ANXA11: variants seen among roughly 807,000 people sequenced by gnomAD.
ANXA11 encodes the protein annexin A11.
Under a neutral mutation model 64.7 loss-of-function variants are expected in ANXA11, and 57 were observed. That is an observed-to-expected ratio of 0.88 (90% CI 0.71 to 1.10). The LOEUF is 1.10. ANXA11 is among the 50% of genes least tolerant of loss of function. ANXA11 has a pLI of 0.00. For synonymous variants in ANXA11, 260 were observed against 265.2 expected, an observed-to-expected ratio of 0.98 and a Z score of 0.19; for missense variants, 675 against 670.7, an observed-to-expected ratio of 1.01 and a Z score of -0.07.
Position 80,163,522 on chromosome 10 carries a change from T to A in ANXA11, c.1029+12A>T. The A allele has an allele frequency of 6.3e-7, 1 of 1,589,370 alleles. No homozygotes were observed. The highest frequency in any genetic ancestry group is 8.6e-7 in the Non-Finnish European group (1 of 1,167,082). ...GGCTTGGGGGCCCCGAGCCCTGTCG[T>A]GGGAAAAGTACCTGAGAGAGAGAGA... is the stretch of plus-strand genomic sequence containing the variant. On this transcript the variant is annotated intron_variant, in intron 10 of 15. Transcript: ENST00000422982.
At chr10:80,198,513 A>G (rs1840271966) in intron 1 of ANXA11, among the ~76,000 whole-genome samples, 3 of 152,244 alleles carry the variant, frequency 2.0e-5, no homozygotes, top group Non-Finnish European at 4.4e-5. Flanking sequence ...CCTGTAAGCA[A>G]TTAACGTGCT....
At chr10:80,165,484 T>A (rs1845683722) in intron 8 of ANXA11, among the ~76,000 whole-genome samples, 1 of 152,182 alleles carries the variant, frequency 6.6e-6, no homozygotes, top group Non-Finnish European at 1.5e-5. Context: ...GAGACCCTGC[T>A]GGTCTCTTCT....
At chr10:80,174,224 T>G (rs1846084795) in intron 2 of ANXA11, among the ~76,000 whole-genome samples, 1 of 151,814 alleles carries the variant, frequency 6.6e-6, no homozygotes, top group African/African-American at 2.4e-5. Flanking sequence ...TTTTTGAGAG[T>G]CTTACTATGT....
chr10:80,194,876 A>ACCCTAGG (rs1410438800), intron 1 of ANXA11, among the ~76,000 whole-genome samples: 17 of 152,340 alleles, frequency 1.1e-4, no homozygotes, highest in African/African-American at 4.1e-4. Flanking sequence ...GGCTGGCAAC[A>ACCCTAGG]GCTGCGCACC....
rs548029508 is a variant in ANXA11 at position 80,172,229 on chromosome 10, C to T, written c.55+578G>A. Among the ~76,000 whole-genome samples, 27 of 152,236 alleles carry T rather than the reference C, an allele frequency of 1.8e-4. No homozygotes were observed. In the South Asian group the frequency reaches 5.6e-3, roughly 32 times the overall value. On this transcript the variant is annotated intron_variant, in intron 3 of 15. Coordinates refer to ENST00000422982, the MANE Select transcript of ANXA11 (RefSeq NM_145868.2). ...CAAAAGGGGCCAGGGCCAGAGAAGA[C>T]GACTTCTCCATGTGACTACCCACAG...
At chr10:80,166,248 TA>T (rs1412540178) in intron 7 of ANXA11, 51 bp from the exon 8 acceptor site, 2 of 1,171,160 alleles carry the variant, frequency 1.7e-6, no homozygotes, top group South Asian at 1.3e-5. Flanking sequence ...CAAGTCTATT[TA>T]AAAAATCCAC....
At position 80,151,505 on chromosome 10, in the gene ANXA11, C is replaced by T. The variant is rs116960995; in HGVS notation, c.*4348G>A. 0.012 allele frequency: 1,782 copies of T among 152,224 alleles called. 25 individuals carry two copies. Among genetic ancestry groups the T allele is most frequent in the Non-Finnish European group, 0.015 (1,046 of 68,022 alleles). The allele number at this position is 152,224 out of a possible 1,614,324, so 9.4% of individuals were successfully genotyped here. ...TAGCTTGATGTTTCTAGGTCTCATT[C>T]CACTCCATCTCGGCCAGGGCAGGAA... On this transcript the variant is annotated 3_prime_UTR_variant, in exon 16 of 16. Transcript: ENST00000422982.
At position 80,166,098 on chromosome 10, in the gene ANXA11, T is replaced by C. The variant is rs1280800017; in HGVS notation, c.844A>G (p.Lys282Glu). Reference sequence around the variant, plus strand: ...CACGTACACACCTTGATGGCTTCCTTTATCTCATAAATGTCAAAGAGGACT... The same window carrying C: ...CACGTACACACCTTGATGGCTTCCTCTATCTCATAAATGTCAAAGAGGACT... ...TPVLFDIYEIKEAIKGVGTDE... is the reference protein window; with the variant it reads ...TPVLFDIYEIEEAIKGVGTDE... Residue 282 changes from lysine (K) to glutamate (E), a missense_variant, in exon 8 of 16, where the codon AAG (lysine) becomes GAG (glutamate). By Grantham distance (56) the Lys-to-Glu change is moderately conservative (BLOSUM62 1). Transcript: ENST00000422982. 2 of 1,596,044 alleles carry C rather than the reference T, an allele frequency of 1.3e-6. No homozygotes were observed. Among genetic ancestry groups the C allele is most frequent in the Non-Finnish European group, 1.7e-6 (2 of 1,165,002 alleles).
At chr10:80,196,254 C>T (rs1174694660) in intron 1 of ANXA11, among the ~76,000 whole-genome samples, 1 of 152,184 alleles carries the variant, frequency 6.6e-6, no homozygotes, top group African/African-American at 2.4e-5. Flanking sequence ...AGGTCACACA[C>T]CCAAGTGCCA....
Position 80,166,782 on chromosome 10 carries a change from C to T in ANXA11, c.744+108G>A, listed in dbSNP as rs41310300. 0.051 allele frequency: 43,698 copies of T among 853,814 alleles called. 1,792 individuals are homozygous for T. The highest frequency in any genetic ancestry group is 0.14 in the African/African-American group (8,695 of 60,274). The allele number at this position is 853,814 out of a possible 1,614,324, so 52.9% of individuals were successfully genotyped here. On this transcript the variant is annotated intron_variant, in intron 7 of 15. Transcript: ENST00000422982. ...GAAGGAAATGCCCTCCTGCTCCTTACTGTCCATCCGGGAGATCCGGGCCCA... is the reference window on the plus strand; with the variant it reads ...GAAGGAAATGCCCTCCTGCTCCTTATTGTCCATCCGGGAGATCCGGGCCCA...
rs1365690096 is a variant in ANXA11 at position 80,188,450 on chromosome 10, T to C, written c.-57-12295A>G. ...AAAGAGGAAAAATGCATCCATCTCA[T>C]TACACAGCTGTGAGAATGTAGTATT... On this transcript the variant is annotated intron_variant, in intron 1 of 15. Transcript: ENST00000422982. 2.1e-5 allele frequency among the ~76,000 whole-genome samples: 3 copies of C among 141,896 alleles called. No individual in the cohort carries two copies. In the Admixed American group the frequency reaches 2.1e-4, roughly 10 times the overall value. 93.1% of individuals were successfully genotyped at this position (141,896 alleles called of 152,430 possible).
intron 1 of ANXA11, among the ~76,000 whole-genome samples, chr10:80,187,511 C>T (rs748260578): frequency 5.3e-5 from 8 of 152,162 alleles, no homozygotes; most frequent in African/African-American, 7.2e-5. Flanking sequence ...CGGATTTAGA[C>T]GGAACCTAAG....
intron 1 of ANXA11, among the ~76,000 whole-genome samples, chr10:80,186,786 G>C (rs115085537): frequency 0.012 from 1,771 of 152,290 alleles, 37 homozygotes; most frequent in African/African-American, 0.041. Flanking sequence ...ATACAACGCA[G>C]ACCGAGAGCA....
intron 4 of ANXA11, 152 bp from the exon 5 acceptor site, chr10:80,169,510 G>A (rs1845892008): frequency 1.1e-6 from 1 of 951,546 alleles, no homozygotes; most frequent in Non-Finnish European, 1.6e-6. Context: ...ACCACAGAAT[G>A]AGTTTACTTG....
chr10:80,156,056 G>T (rs1845263348), intron 15 of ANXA11, 144 bp from the exon 16 acceptor site: 3 of 783,978 alleles, frequency 3.8e-6, no homozygotes, highest in Non-Finnish European at 6.4e-6. Flanking sequence ...TCCTGCAGCA[G>T]GCGTCACAGA....
upstream of ANXA11, chr10:80,205,687 T>G (rs1424193176): frequency 6.6e-6 from 1 of 152,106 alleles, no homozygotes; most frequent in South Asian, 2.1e-4. Flanking sequence ...AGTCTCGGGC[T>G]CCGGAGGTCC....
rs1162647443 is a variant in ANXA11, at chr10:80,152,527, C to T, written c.*3326G>A. ...TCCACAACTATGCCAAATGTCATGC[C>T]CAGGGTCAGGTTCCAGCCCATGCTG... On this transcript the variant is annotated 3_prime_UTR_variant, in exon 16 of 16. Transcript: ENST00000422982. 6.6e-6 allele frequency: 1 copy of T among 152,536 alleles called. No homozygotes were observed. Among genetic ancestry groups the T allele is most frequent in the Non-Finnish European group, 1.5e-5 (1 of 68,296 alleles). 9.4% of individuals were successfully genotyped at this position (152,536 alleles called of 1,614,324 possible).
At chr10:80,181,210 G>A (rs1227291045) in intron 1 of ANXA11, 1 of 152,200 alleles carries the variant, frequency 6.6e-6, no homozygotes, top group Non-Finnish European at 1.5e-5. Context: ...CAGCACTTTG[G>A]GAGGCTGACG....
intron 1 of ANXA11, among the ~76,000 whole-genome samples, chr10:80,186,760 G>C (rs1218525961): frequency 2.6e-5 from 4 of 152,190 alleles, no homozygotes; most frequent in African/African-American, 9.6e-5. Flanking sequence ...GGCAAGTGAG[G>C]AGGAACTCAC....
Sources: gnomAD v4.1 joint callset for allele counts (sites outside exome capture counted in the v4.1 genomes callset) on GRCh38, gnomAD v4.1.1 for gene constraint, MANE v1.5 for transcripts, NCBI Gene and HGNC (gene_info 2026-07-23, HGNC 2026-07-21) for gene names.